SNTB1: variants seen among roughly 807,000 people sequenced by gnomAD.
The protein encoded by SNTB1 is syntrophin beta 1, also known as beta-1-syntrophin.
A neutral mutation model predicts 48.9 loss-of-function variants in SNTB1; 36 were observed. The ratio of observed to expected loss-of-function variants is 0.74; its 90% confidence interval spans 0.56 to 0.97. The LOEUF (loss-of-function observed/expected upper bound fraction) is 0.97. Ranked by LOEUF, SNTB1 falls within the 50% of genes least tolerant of loss-of-function variation. The probability of loss-of-function intolerance (pLI) is 0.00; values close to 1 mark genes in which losing one functional copy is unlikely to be tolerated. For synonymous variants in SNTB1, 299 were observed against 294.6 expected, an observed-to-expected ratio of 1.01 and a Z score of -0.15; for missense variants, 786 against 703.4, an observed-to-expected ratio of 1.12 and a Z score of -1.33.
intron 1 of SNTB1, among the ~76,000 whole-genome samples, chr8:120,716,929 A>T (rs12543097): frequency 0.16 from 24,951 of 152,142 alleles, 2,408 homozygotes; most frequent in African/African-American, 0.26. Flanking sequence ...AGCAGTTTTC[A>T]TGGATTTTAG....
At chr8:120,572,991 C>T (rs377303216) in intron 4 of SNTB1, among the ~76,000 whole-genome samples, 10 of 152,206 alleles carry the variant, frequency 6.6e-5, no homozygotes, top group African/African-American at 1.4e-4. Flanking sequence ...AACATGGGAG[C>T]GTAACTACCT....
chr8:120,589,437 A>C (rs1011767693), intron 3 of SNTB1, among the ~76,000 whole-genome samples: 2 of 152,212 alleles, frequency 1.3e-5, no homozygotes, highest in Admixed American at 6.5e-5. Context: ...CACTGTCATG[A>C]TTTTTGTTGT....
chr8:120,796,329 G>A (rs936314574), intron 1 of SNTB1, among the ~76,000 whole-genome samples: 1 of 152,008 alleles, frequency 6.6e-6, no homozygotes, highest in African/African-American at 2.4e-5. Flanking sequence ...ATAGCAGTGC[G>A]AGAGTGGACT....
intron 1 of SNTB1, among the ~76,000 whole-genome samples, chr8:120,762,512 T>C (rs1364016844): frequency 1.3e-5 from 2 of 152,120 alleles, no homozygotes; most frequent in African/African-American, 4.8e-5. Context: ...AGGGGATTGT[T>C]TGGGTTCGGA....
intron 4 of SNTB1, chr8:120,571,064 G>T: frequency 3.6e-6 from 2 of 554,978 alleles, no homozygotes; most frequent in Non-Finnish European, 5.2e-6. Flanking sequence ...CTGGCACATA[G>T]TAGATGATTT....
intron 2 of SNTB1, among the ~76,000 whole-genome samples, chr8:120,638,839 A>G (rs1436218646): frequency 6.6e-6 from 1 of 152,146 alleles, no homozygotes; most frequent in African/African-American, 2.4e-5. Context: ...AGTCTTTGCT[A>G]TTGTGAATAG....
chr8:120,803,682 A>G (rs916583292), intron 1 of SNTB1, among the ~76,000 whole-genome samples: 1 of 152,190 alleles, frequency 6.6e-6, no homozygotes, highest in Non-Finnish European at 1.5e-5. Flanking sequence ...ACCACTGAAC[A>G]TGAAGAGCAT....
chr8:120,602,755 A>T (rs1816442270), intron 3 of SNTB1, among the ~76,000 whole-genome samples: 1 of 151,704 alleles, frequency 6.6e-6, no homozygotes, highest in South Asian at 2.1e-4. Context: ...TAAGAGAAAA[A>T]TATTGTTTGC....
intron 1 of SNTB1, among the ~76,000 whole-genome samples, chr8:120,771,919 G>C (rs866405625): frequency 6.6e-6 from 1 of 151,820 alleles, no homozygotes; most frequent in African/African-American, 2.4e-5. Flanking sequence ...GCCCAGGCTG[G>C]AGTGCAGTGG....
chr8:120,741,918 C>T (rs959562686), intron 1 of SNTB1, among the ~76,000 whole-genome samples: 2 of 152,192 alleles, frequency 1.3e-5, no homozygotes, highest in African/African-American at 4.8e-5. Flanking sequence ...CTGTATGTGA[C>T]ATGCAAAGCC....
intron 1 of SNTB1, among the ~76,000 whole-genome samples, chr8:120,707,642 T>A (rs35821494): frequency 6.6e-6 from 1 of 152,066 alleles, no homozygotes; most frequent in Admixed American, 6.6e-5. Context: ...AATAAACCCA[T>A]AGAAAAATTT....
intron 2 of SNTB1, among the ~76,000 whole-genome samples, chr8:120,686,445 A>G (rs1477549039): frequency 6.6e-6 from 1 of 152,168 alleles, no homozygotes; most frequent in African/African-American, 2.4e-5. Flanking sequence ...TGCATGGTCT[A>G]AGGGGAAAAC....
At chr8:120,663,035 T>C (rs1817617763) in intron 2 of SNTB1, among the ~76,000 whole-genome samples, 1 of 147,200 alleles carries the variant, frequency 6.8e-6, no homozygotes, top group Non-Finnish European at 1.5e-5. Flanking sequence ...GGGGGGGGTA[T>C]TTGGGTGGTG....
At chr8:120,692,475 T>C (rs1818145030) in intron 2 of SNTB1, among the ~76,000 whole-genome samples, 1 of 152,188 alleles carries the variant, frequency 6.6e-6, no homozygotes, top group Non-Finnish European at 1.5e-5. Flanking sequence ...TCGCTTTCTT[T>C]ATTTCTCTTA....
intron 1 of SNTB1, among the ~76,000 whole-genome samples, chr8:120,726,418 T>C (rs768422714): frequency 2.6e-5 from 4 of 152,168 alleles, no homozygotes; most frequent in Non-Finnish European, 5.9e-5. Context: ...CTTGACAAAC[T>C]CAACCCTCTG....
rs546289740 is a variant in SNTB1, at chr8:120,682,974, T to C, written c.788+10718A>G. On this transcript the variant is annotated intron_variant, in intron 2 of 6. Coordinates refer to ENST00000517992, the MANE Select transcript of SNTB1 (RefSeq NM_021021.4). ...TCGGCTCACTGCAACCTCCGCCTCCTGGGTTCACGCCATTCTCCTGCCTCA... is the reference window on the plus strand; with the variant it reads ...TCGGCTCACTGCAACCTCCGCCTCCCGGGTTCACGCCATTCTCCTGCCTCA... 2.7e-3 allele frequency among the ~76,000 whole-genome samples: 397 copies of C among 146,580 alleles called. 8 individuals are homozygous for C. The highest frequency in any genetic ancestry group is 0.025 in the Admixed American group (362 of 14,474).
intron 2 of SNTB1, among the ~76,000 whole-genome samples, chr8:120,684,432 G>A (rs1817992555): frequency 6.6e-6 from 1 of 152,086 alleles, no homozygotes; most frequent in African/African-American, 2.4e-5. Flanking sequence ...AAAATCTGAA[G>A]TCTCTCTAAA....
chr8:120,769,814 TA>T (rs1370283011), intron 1 of SNTB1: 1 of 152,244 alleles, frequency 6.6e-6, no homozygotes, highest in Non-Finnish European at 1.5e-5. Flanking sequence ...AATACTTTTT[TA>T]AAGTTATGAA....
intron 2 of SNTB1, among the ~76,000 whole-genome samples, chr8:120,657,166 T>G (rs1817515288): frequency 6.6e-6 from 1 of 152,218 alleles, no homozygotes; most frequent in African/African-American, 2.4e-5. Context: ...TTATTTTGTT[T>G]TAATGCAATC....
Sources: allele counts gnomAD v4.1 joint callset (sites outside exome capture counted in the v4.1 genomes callset), GRCh38; gene constraint gnomAD v4.1.1; transcripts MANE v1.5; gene names NCBI Gene and HGNC (gene_info 2026-07-23, HGNC 2026-07-21).